The following ARMC2 variants were observed in gnomAD, a reference collection of about 807,000 sequenced individuals.
The protein encoded by ARMC2 is armadillo repeat containing 2.
Under a neutral mutation model 90.3 loss-of-function variants are expected in ARMC2, and 67 were observed. The ratio of observed to expected loss-of-function variants is 0.74; its 90% CI spans 0.61 to 0.91. The LOEUF is 0.91. ARMC2 is among the 40% of genes least tolerant of loss of function. The pLI is 0.00. For synonymous variants in ARMC2, 393 were observed against 393.0 expected (o/e 1.00, Z 0.00); for missense variants, 920 against 1,030.9 (o/e 0.89, Z 1.47).
At chr6:108,982,903 C>T in the ARMC2 span, among the ~76,000 whole-genome samples, 1 of 149,960 alleles carries the variant, frequency 6.7e-6, no homozygotes, top group Non-Finnish European at 1.5e-5. Flanking sequence ...TCACTGCAAT[C>T]TCCGCTTCCC....
the ARMC2 span, among the ~76,000 whole-genome samples, chr6:109,011,633 T>C: frequency 8.3e-6 from 1 of 120,246 alleles, no homozygotes; most frequent in African/African-American, 4.4e-5. Flanking sequence ...ATTTTTTTTC[T>C]TTTTTTTTTT....
chr6:108,995,449 C>A, the ARMC2 span, among the ~76,000 whole-genome samples: 5 of 152,120 alleles, frequency 3.3e-5, no homozygotes, highest in Non-Finnish European at 5.9e-5. Flanking sequence ...TGGCAGCTGT[C>A]ACTTGCTGGG....
chr6:108,931,854 C>T (rs1348308277), intron 11 of ARMC2, among the ~76,000 whole-genome samples: 1 of 151,610 alleles, frequency 6.6e-6, no homozygotes. Flanking sequence ...ACCTCTGCCT[C>T]CCAGGTTCAA....
chr6:109,036,678 T>A, the ARMC2 span, among the ~76,000 whole-genome samples: 1 of 152,234 alleles, frequency 6.6e-6, no homozygotes, highest in Non-Finnish European at 1.5e-5. Flanking sequence ...TTTCTTTTCC[T>A]GTTAACTTTC....
intron 2 of ARMC2, among the ~76,000 whole-genome samples, chr6:108,855,023 TA>T (rs1183612386): frequency 6.6e-6 from 1 of 152,228 alleles, no homozygotes; most frequent in Non-Finnish European, 1.5e-5. Context: ...TTTGACTTAG[TA>T]ATATGCATTT....
chr6:108,926,417 T>C (rs565501384), intron 10 of ARMC2, among the ~76,000 whole-genome samples: 3 of 152,338 alleles, frequency 2.0e-5, no homozygotes, highest in Admixed American at 6.5e-5. Context: ...GAATGGTTCA[T>C]TAGTCTTCAC....
downstream of ARMC2, among the ~76,000 whole-genome samples, chr6:108,975,273 G>A (rs867609522): frequency 6.6e-6 from 1 of 151,944 alleles, no homozygotes; most frequent in Non-Finnish European, 1.5e-5. Context: ...TTCTGTTCCT[G>A]TGTTAGTTTG....
At chr6:108,944,458 C>T (rs978724443) in intron 12 of ARMC2, among the ~76,000 whole-genome samples, 3 of 152,164 alleles carry the variant, frequency 2.0e-5, no homozygotes, top group African/African-American at 7.2e-5. Flanking sequence ...AAGCACTGGC[C>T]AGAGTGGCTC....
chr6:108,972,093 A>G (rs1778806579), intron 17 of ARMC2, among the ~76,000 whole-genome samples: 1 of 152,226 alleles, frequency 6.6e-6, no homozygotes, highest in Non-Finnish European at 1.5e-5. Flanking sequence ...ACAGAGTGTG[A>G]GGCTCAACAT....
intron 7 of ARMC2, among the ~76,000 whole-genome samples, chr6:108,901,262 C>T (rs1484963336): frequency 3.3e-5 from 5 of 150,758 alleles, no homozygotes; most frequent in Admixed American, 6.6e-5. Context: ...TATAGGCACC[C>T]GCCACCATGC....
At chr6:108,916,722 A>T (rs981611609) in intron 10 of ARMC2, among the ~76,000 whole-genome samples, 11 of 152,108 alleles carry the variant, frequency 7.2e-5, no homozygotes, top group African/African-American at 2.7e-4. Context: ...TCTAGAATGG[A>T]TTATCATGAG....
chr6:108,994,696 ATCT>A, the ARMC2 span: 20 of 628,514 alleles, frequency 3.2e-5, no homozygotes, highest in Non-Finnish European at 4.1e-5. Context: ...AAGAATTTAT[ATCT>A]TTTTTTTTTT....
intron 10 of ARMC2, among the ~76,000 whole-genome samples, chr6:108,918,153 G>T (rs1204539447): frequency 6.6e-6 from 1 of 152,120 alleles, no homozygotes; most frequent in Non-Finnish European, 1.5e-5. Context: ...CAAGGAGAGA[G>T]TAGAGAAAGA....
chr6:109,040,900 C>G, the ARMC2 span, among the ~76,000 whole-genome samples: 1 of 152,024 alleles, frequency 6.6e-6, no homozygotes, highest in Non-Finnish European at 1.5e-5. Flanking sequence ...GATCTGCCCG[C>G]CTCAGCCTCC....
At chr6:108,987,449 ATT>A in the ARMC2 span, 1 of 601,002 alleles carries the variant, frequency 1.7e-6, no homozygotes, top group Admixed American at 2.8e-5. Flanking sequence ...TTTCTGAATT[ATT>A]TTGTCTACCA....
At chr6:109,002,322 G>A in the ARMC2 span, 4 of 1,613,190 alleles carry the variant, frequency 2.5e-6, no homozygotes, top group African/African-American at 1.3e-5. Context: ...CCTAGTGGTC[G>A]AGGAATTCTA....
the ARMC2 span, chr6:109,009,064 A>G: frequency 1.1e-6 from 1 of 940,272 alleles, no homozygotes; most frequent in Non-Finnish European, 1.3e-6. Flanking sequence ...TACGTATTGG[A>G]GACTTTCATT....
chr6:108,998,385 A>G, the ARMC2 span: 1 of 1,035,394 alleles, frequency 9.7e-7, no homozygotes, highest in Non-Finnish European at 1.4e-6. Context: ...CTGAATGAAT[A>G]GATATAGGGG....
intron 13 of ARMC2, among the ~76,000 whole-genome samples, chr6:108,954,904 G>C (rs1186895595): frequency 6.6e-6 from 1 of 152,170 alleles, no homozygotes; most frequent in Admixed American, 6.5e-5. Context: ...CACAGTTCTG[G>C]AAACTGGAAG....
Sources: gnomAD v4.1 joint callset for allele counts (sites outside exome capture counted in the v4.1 genomes callset) on GRCh38, gnomAD v4.1.1 for gene constraint, MANE v1.5 for transcripts, NCBI Gene and HGNC (gene_info 2026-07-23, HGNC 2026-07-21) for gene names.